The following HERC2 variants were observed in gnomAD, a reference collection of about 807,000 sequenced individuals.
HERC2 encodes the protein E3 ubiquitin-protein ligase HERC2.
A neutral mutation model predicts 537.7 loss-of-function variants in HERC2; 102 were observed. The observed-to-expected ratio is 0.19, with a 90% CI of 0.16 to 0.22. The LOEUF is 0.22. Among genes scored for constraint, HERC2 ranks in the 10% least tolerant of loss-of-function variants. The pLI is 1.00. For missense variants in HERC2, 4,236 were observed against 6,198.2 expected, an observed-to-expected ratio of 0.68 and a Z score of 10.63; for synonymous variants, 2,224 against 2,466.2, an observed-to-expected ratio of 0.90 and a Z score of 2.91.
chr15:28,130,594 T>C lies in HERC2; in HGVS notation c.12571A>G (p.Ile4191Val), dbSNP rs1455674792. ...GSDGCKVPMK[I>V]DSLTGLGVVK... ...ACTCCAAGACCAGTAAGAGAATCAA[T>C]CTAGAGGGGGAAAAGGTTCAATTAG... is the stretch of plus-strand genomic sequence containing the variant. The change falls in exon 82 of 93, where the codon ATT (isoleucine) becomes GTT (valine). Residue 4191 changes from isoleucine (I) to valine (V), a missense_variant and splice_region_variant. Coordinates refer to ENST00000261609, the MANE Select transcript of HERC2 (RefSeq NM_004667.6). 1.2e-6 allele frequency: 2 copies of C among 1,609,332 alleles called. No individual in the cohort carries two copies. The highest frequency in any genetic ancestry group is 1.7e-6 in the Non-Finnish European group (2 of 1,175,866).
intron 69 of HERC2, among the ~76,000 whole-genome samples, chr15:28,154,324 C>T (rs967216770): frequency 2.6e-5 from 4 of 152,116 alleles, no homozygotes; most frequent in Admixed American, 1.3e-4. Context: ...GTCACATAGG[C>T]ATGATTTTAA....
At chr15:28,254,553 T>G (rs1164998938) in intron 19 of HERC2, 35 bp from the exon 20 acceptor site, 1 of 1,456,970 alleles carries the variant, frequency 6.9e-7, no homozygotes, top group African/African-American at 1.4e-5. Flanking sequence ...TTACAAGTGA[T>G]CTCATTACCA....
intron 3 of HERC2, among the ~76,000 whole-genome samples, chr15:28,297,656 G>T (rs571989721): frequency 6.6e-6 from 1 of 152,134 alleles, no homozygotes; most frequent in Non-Finnish European, 1.5e-5. Flanking sequence ...TAGAACAGGC[G>T]CAATTTGTCA....
At chr15:28,135,157 T>C (rs6497279) in intron 79 of HERC2, among the ~76,000 whole-genome samples, 147,014 of 152,164 alleles carry the variant, frequency 0.97, 71,136 homozygotes, top group Non-Finnish European at 0.99. Context: ...ATTTGCAGTT[T>C]TAGTATCACG....
chr15:28,252,296 A>G (rs2075109042), intron 20 of HERC2, among the ~76,000 whole-genome samples: 1 of 151,942 alleles, frequency 6.6e-6, no homozygotes, highest in Admixed American at 6.6e-5. Flanking sequence ...GCACGGGAAC[A>G]TTCTGGGCAA....
At position 28,176,481 on chromosome 15, in the gene HERC2, C is replaced by T. The variant is rs775376775; in HGVS notation, c.9633G>A (p.Glu3211=). 44 of 1,614,074 alleles carry T rather than the reference C, an allele frequency of 2.7e-5. No homozygotes were observed. Among genetic ancestry groups the T allele is most frequent in the Middle Eastern group, 3.3e-4 (2 of 6,082 alleles). The change falls in exon 63 of 93, where the codon GAG becomes GAA. Residue 3211 remains glutamate (E), a synonymous_variant. Coordinates refer to ENST00000261609, the MANE Select transcript of HERC2 (RefSeq NM_004667.6). This position sits in a 1 kb window ranked among gnomAD's most constrained non-coding sequence, Gnocchi z 5.0. ...RLNGQGVCQI[E]CGAQFSLALT... ...GCGCCAGGGAGAACTGAGCTCCACA[C>T]TCAATCTGGCACACCCCCTGTCCAT...
chr15:28,152,890 A>G (rs539739338), intron 69 of HERC2, 60 bp from the exon 70 acceptor site: 1 of 1,508,540 alleles, frequency 6.6e-7, no homozygotes, highest in Non-Finnish European at 9.0e-7. Flanking sequence ...GGTCACCTGC[A>G]TGCCACCTCT....
intron 78 of HERC2, among the ~76,000 whole-genome samples, chr15:28,138,936 T>A (rs1890917762): frequency 1.3e-5 from 2 of 152,164 alleles, no homozygotes. Flanking sequence ...TTGGAAGAAG[T>A]GGATTCCAAC....
chr15:28,307,606 G>T (rs1284003102), intron 2 of HERC2, among the ~76,000 whole-genome samples: 2 of 152,122 alleles, frequency 1.3e-5, no homozygotes, highest in Non-Finnish European at 2.9e-5. Context: ...CTGACCTGTT[G>T]GTCATTCAGG....
intron 7 of HERC2, 175 bp from the exon 8 acceptor site, chr15:28,273,179 A>C: frequency 1.6e-6 from 1 of 625,140 alleles, no homozygotes; most frequent in Non-Finnish European, 2.8e-6. Context: ...ATAAGTGTAC[A>C]ATTAGCTTAC....
Position 28,280,229 on chromosome 15 carries a change from G to A in HERC2, c.381C>T (p.Ala127=), listed in dbSNP as rs757177576. The A allele has an allele frequency of 2.8e-5, 45 of 1,613,962 alleles. No homozygotes were observed. Among genetic ancestry groups the A allele is most frequent in the South Asian group, 5.5e-5 (5 of 91,076 alleles). Residue 127 remains alanine (A), a synonymous_variant, in exon 5 of 93, where the codon GCC becomes GCT. Transcript: ENST00000261609. ...AGAGGGTGGTGGTGGCTGACTGGAC[G>A]GCCAGGGCCTGCTGCTCTTTAACCA... is the stretch of plus-strand genomic sequence containing the variant. ...SVLVKEQQAL[A]VQSATTTLSA... is the part of the protein sequence containing the mutation.
chr15:28,257,027 C>A (rs776870503), intron 17 of HERC2, 34 bp downstream of exon 17: 1 of 1,574,674 alleles, frequency 6.4e-7, no homozygotes, highest in Non-Finnish European at 8.7e-7. Flanking sequence ...AAGACACTTA[C>A]AAAAGGAGGA....
intron 16 of HERC2, among the ~76,000 whole-genome samples, chr15:28,259,682 C>T (rs914869032): frequency 1.3e-5 from 2 of 151,814 alleles, no homozygotes; most frequent in Admixed American, 1.3e-4. Flanking sequence ...GGGCCAGGCA[C>T]AGTGGCTCAC....
At chr15:28,241,693 G>A (rs754464441) in intron 23 of HERC2, among the ~76,000 whole-genome samples, 15 of 152,192 alleles carry the variant, frequency 9.9e-5, no homozygotes, top group Non-Finnish European at 1.5e-4. Flanking sequence ...GGTGGCGCAC[G>A]CCTGTAGTCC....
intron 35 of HERC2, among the ~76,000 whole-genome samples, chr15:28,224,117 T>C (rs1380200877): frequency 8.7e-6 from 1 of 114,550 alleles, no homozygotes; most frequent in African/African-American, 2.8e-5. Flanking sequence ...CATATAAATA[T>C]ATAAATTAAA....
At chr15:28,316,893 C>A (rs1428364538) in intron 2 of HERC2, among the ~76,000 whole-genome samples, 2 of 152,088 alleles carry the variant, frequency 1.3e-5, no homozygotes, top group Non-Finnish European at 2.9e-5. Flanking sequence ...TCTCCTGCCT[C>A]AGCCTCCTGA....
At chr15:28,300,088 G>C (rs1429700237) in intron 2 of HERC2, among the ~76,000 whole-genome samples, 1 of 148,806 alleles carries the variant, frequency 6.7e-6, no homozygotes, top group Non-Finnish European at 1.5e-5. Context: ...AGAAAAAAAA[G>C]ACACACACAC....
intron 85 of HERC2, among the ~76,000 whole-genome samples, chr15:28,121,721 G>A (rs997390222): frequency 3.3e-5 from 5 of 152,178 alleles, no homozygotes; most frequent in Non-Finnish European, 7.3e-5. Context: ...GCACACACAG[G>A]GCACAGAACA....
chr15:28,185,967 C>G (rs1166790529), intron 56 of HERC2, among the ~76,000 whole-genome samples: 1 of 152,154 alleles, frequency 6.6e-6, no homozygotes, highest in East Asian at 1.9e-4. Context: ...CAGTCATCAT[C>G]ACAGTGCTCA....
Sources: gnomAD v4.1 joint callset for allele counts (sites outside exome capture counted in the v4.1 genomes callset) on GRCh38, gnomAD v4.1.1 for gene constraint, Gnocchi (gnomAD v3.1) non-coding constraint, MANE v1.5 for transcripts, NCBI Gene and HGNC (gene_info 2026-07-23, HGNC 2026-07-21) for gene names.